Variants in TENM3 observed in about 807,000 individuals in gnomAD.
TENM3 encodes the protein teneurin transmembrane protein 3, also known as teneurin-3.
A neutral mutation model predicts 255.1 loss-of-function variants in TENM3; 63 were observed. That is an observed-to-expected ratio of 0.25 (90% confidence interval 0.20 to 0.30). TENM3 has a LOEUF of 0.30. TENM3 is among the 10% of genes least tolerant of loss of function. The pLI, the probability that TENM3 is intolerant of heterozygous loss-of-function variation, is 1.00. For synonymous variants in TENM3, 1,306 were observed against 1,322.3 expected (o/e 0.99, Z 0.27); for missense variants, 2,929 against 3,461.1 (o/e 0.85, Z 3.86).
chr4:181,540,766 G>C, the TENM3 span, among the ~76,000 whole-genome samples: 6,704 of 152,186 alleles, frequency 0.044, 225 homozygotes, highest in South Asian at 0.15. Flanking sequence ...ACTGTCACAG[G>C]CAAGAGAAGC....
chr4:182,018,132 G>T, the TENM3 span, among the ~76,000 whole-genome samples: 1 of 152,156 alleles, frequency 6.6e-6, no homozygotes, highest in Non-Finnish European at 1.5e-5. Context: ...AACTTACCGT[G>T]TATGACTATC....
chr4:182,027,675 A>G, the TENM3 span, among the ~76,000 whole-genome samples: 1 of 152,110 alleles, frequency 6.6e-6, no homozygotes, highest in African/African-American at 2.4e-5. Flanking sequence ...TTTTATCATG[A>G]AGGGATGTCA....
the TENM3 span, among the ~76,000 whole-genome samples, chr4:181,649,795 G>A: frequency 6.6e-6 from 1 of 152,152 alleles, no homozygotes; most frequent in Non-Finnish European, 1.5e-5. Context: ...CAGAAACGGG[G>A]TGATATTTTA....
intron 3 of TENM3, among the ~76,000 whole-genome samples, chr4:182,408,011 A>C (rs983879155): frequency 3.3e-5 from 5 of 152,232 alleles, no homozygotes. Flanking sequence ...CCTGAACTAC[A>C]GAGTTCAAAT....
intron 1 of TENM3, among the ~76,000 whole-genome samples, chr4:182,210,974 G>A (rs536802248): frequency 3.9e-5 from 6 of 152,160 alleles, no homozygotes; most frequent in Non-Finnish European, 8.8e-5. Flanking sequence ...CCTATAGGTG[G>A]TCTTCCCTCC....
intron 13 of TENM3, among the ~76,000 whole-genome samples, chr4:182,728,267 C>G (rs1760391617): frequency 6.6e-6 from 1 of 152,164 alleles, no homozygotes; most frequent in Non-Finnish European, 1.5e-5. Flanking sequence ...GAGCTTCGTC[C>G]TACATAGATT....
At chr4:181,858,168 G>A in the TENM3 span, among the ~76,000 whole-genome samples, 80 of 152,248 alleles carry the variant, frequency 5.3e-4, 2 homozygotes, top group South Asian at 6.0e-3. Flanking sequence ...GTGCAATCAC[G>A]GCTTACTGCA....
intron 5 of TENM3, among the ~76,000 whole-genome samples, chr4:182,642,198 T>C (rs767502585): frequency 6.6e-6 from 1 of 152,216 alleles, no homozygotes; most frequent in Non-Finnish European, 1.5e-5. Flanking sequence ...TTCCATTACA[T>C]TGGAGGATGA....
At chr4:181,534,353 T>G in the TENM3 span, among the ~76,000 whole-genome samples, 1 of 152,236 alleles carries the variant, frequency 6.6e-6, no homozygotes, top group African/African-American at 2.4e-5. Context: ...TCAAATACAT[T>G]TACCAGCCAA....
chr4:182,120,150 T>C, the TENM3 span, among the ~76,000 whole-genome samples: 1 of 151,514 alleles, frequency 6.6e-6, no homozygotes, highest in Non-Finnish European at 1.5e-5. Flanking sequence ...TTTTGGTTAG[T>C]CCCTTGAAGA....
At chr4:182,318,844 T>G (rs1278129665) in intron 1 of TENM3, among the ~76,000 whole-genome samples, 1 of 152,206 alleles carries the variant, frequency 6.6e-6, no homozygotes, top group African/African-American at 2.4e-5. Context: ...CATGGCTCGC[T>G]CTGTCCTTGA....
chr4:182,565,194 A>G (rs1444171403), intron 3 of TENM3, among the ~76,000 whole-genome samples: 1 of 152,184 alleles, frequency 6.6e-6, no homozygotes, highest in Non-Finnish European at 1.5e-5. Context: ...CTGGTGAATC[A>G]TAGTCTTGGT....
intron 13 of TENM3, among the ~76,000 whole-genome samples, chr4:182,717,536 T>G (rs528428330): frequency 4.6e-5 from 7 of 152,314 alleles, no homozygotes; most frequent in African/African-American, 1.7e-4. Context: ...CATCTGCTTC[T>G]CAAATCCAGC....
At chr4:182,384,479 A>G (rs527662130) in intron 3 of TENM3, among the ~76,000 whole-genome samples, 34 of 152,306 alleles carry the variant, frequency 2.2e-4, no homozygotes, top group African/African-American at 7.5e-4. Flanking sequence ...AGTGCCCCCA[A>G]AATCATTTGT....
the TENM3 span, among the ~76,000 whole-genome samples, chr4:181,658,941 C>T: frequency 6.6e-6 from 1 of 152,056 alleles, no homozygotes; most frequent in Admixed American, 6.6e-5. Context: ...CGAACCACAG[C>T]GACTCCATCT....
At chr4:181,491,838 C>A in the TENM3 span, among the ~76,000 whole-genome samples, 1 of 152,094 alleles carries the variant, frequency 6.6e-6, no homozygotes, top group Non-Finnish European at 1.5e-5. Context: ...TAAATCACCT[C>A]GCTTAATGTA....
chr4:181,724,918 G>T, the TENM3 span, among the ~76,000 whole-genome samples: 1 of 152,184 alleles, frequency 6.6e-6, no homozygotes, highest in African/African-American at 2.4e-5. Flanking sequence ...ACCTTTCAGG[G>T]AGTAAGGAAA....
At chr4:181,614,791 A>G in the TENM3 span, among the ~76,000 whole-genome samples, 4 of 152,254 alleles carry the variant, frequency 2.6e-5, no homozygotes, top group Admixed American at 6.5e-5. Context: ...CCCAGTAGGA[A>G]TTAACTTTGC....
intron 6 of TENM3, 41 bp downstream of exon 6, chr4:182,653,934 A>C (rs763609068): frequency 1.9e-6 from 3 of 1,549,826 alleles, no homozygotes; most frequent in Non-Finnish European, 1.7e-6. Flanking sequence ...CTCTTTTAAC[A>C]TCCCTTTTCC....
Sources: gnomAD v4.1 joint callset for allele counts (sites outside exome capture counted in the v4.1 genomes callset) on GRCh38, gnomAD v4.1.1 for gene constraint, MANE v1.5 for transcripts, NCBI Gene and HGNC (gene_info 2026-07-23, HGNC 2026-07-21) for gene names.